Variants in PHLDB2 observed in about 807,000 individuals in gnomAD.
PHLDB2 encodes pleckstrin homology like domain family B member 2.
In PHLDB2, 71 loss-of-function variants were observed where a neutral mutation model predicts 123.6. The observed-to-expected ratio is 0.57, with a 90% CI of 0.47 to 0.70. The LOEUF is 0.70. PHLDB2 is among the 30% of genes least tolerant of loss of function. The pLI is 0.00. For missense variants in PHLDB2, 1,446 were observed against 1,519.5 expected (o/e 0.95, Z 0.80); for synonymous variants, 547 against 541.6 (o/e 1.01, Z -0.14).
intron 5 of PHLDB2, among the ~76,000 whole-genome samples, chr3:111,929,836 C>G (rs16858901): frequency 0.059 from 9,010 of 152,022 alleles, 882 homozygotes; most frequent in African/African-American, 0.2. Flanking sequence ...CTTGCATATT[C>G]TTCTAGATGC....
chr3:111,933,599 T>G lies in PHLDB2; in HGVS notation c.2130+1202T>G, dbSNP rs72940211. Among the ~76,000 whole-genome samples, 1,124 of 152,352 alleles carry G rather than the reference T, an allele frequency of 7.4e-3. 14 individuals are homozygous for G. The highest frequency in any genetic ancestry group is 0.025 in the African/African-American group (1,051 of 41,580). ...AAAGTTTTAACCATATGTCTTCCCT[T>G]TACTCTTTTTATTGTATGCAGCTGA... On this transcript the variant is annotated intron_variant, in intron 6 of 17. Coordinates refer to ENST00000431670, the MANE Select transcript of PHLDB2 (RefSeq NM_001134438.2).
At chr3:111,824,859 T>C (rs909717771) in intron 1 of PHLDB2, among the ~76,000 whole-genome samples, 14 of 152,216 alleles carry the variant, frequency 9.2e-5, no homozygotes, top group African/African-American at 3.1e-4. Context: ...CAACTGATAA[T>C]TGCCTTTTTT....
At chr3:111,874,839 A>G (rs529637454) in intron 1 of PHLDB2, among the ~76,000 whole-genome samples, 1 of 152,254 alleles carries the variant, frequency 6.6e-6, no homozygotes, top group East Asian at 1.9e-4. Context: ...GCCTAAAACT[A>G]CCCATTGAGA....
At chr3:111,957,502 C>T (rs1370818540) in intron 12 of PHLDB2, 1 of 152,152 alleles carries the variant, frequency 6.6e-6, no homozygotes, top group African/African-American at 2.4e-5. Flanking sequence ...AAGGTCAGAC[C>T]CTGCAGGAAA....
rs1346780933 is a variant in PHLDB2 at position 111,779,094 on chromosome 3, G to A, written c.-49+46391G>A. 4.6e-5 allele frequency among the ~76,000 whole-genome samples: 7 copies of A among 152,126 alleles called. 1 individual carries two copies. In the South Asian group the frequency reaches 1.2e-3, roughly 27 times the overall value. ...TACCTTCGGAGTTTCTGACTCGGTA[G>A]GTCTGGAGAAAAAACTAACAAGTTC... On this transcript the variant is annotated intron_variant, in intron 1 of 17. Coordinates refer to the PHLDB2 transcript ENST00000393923.
At chr3:111,788,646 C>T (rs2060789171) in intron 1 of PHLDB2, among the ~76,000 whole-genome samples, 1 of 152,208 alleles carries the variant, frequency 6.6e-6, no homozygotes, top group African/African-American at 2.4e-5. Flanking sequence ...TTAAAGCAAG[C>T]TTGTCCAACC....
At chr3:111,764,949 A>T (rs1178022050) in intron 1 of PHLDB2, among the ~76,000 whole-genome samples, 1 of 152,212 alleles carries the variant, frequency 6.6e-6, no homozygotes, top group Non-Finnish European at 1.5e-5. Flanking sequence ...CGACATCACC[A>T]TGAAGAGGAA....
At chr3:111,832,359 A>G (rs545715562) in intron 1 of PHLDB2, among the ~76,000 whole-genome samples, 1 of 150,420 alleles carries the variant, frequency 6.6e-6, no homozygotes, top group South Asian at 2.1e-4. Context: ...TGCAAATATA[A>G]TATGTTCTTA....
chr3:111,921,183 C>T (rs1157911778), intron 5 of PHLDB2, among the ~76,000 whole-genome samples: 1 of 152,164 alleles, frequency 6.6e-6, no homozygotes, highest in Non-Finnish European at 1.5e-5. Context: ...GGGAAATATA[C>T]ATTACTCTCC....
At chr3:111,857,264 C>A (rs2064554027), upstream of PHLDB2, among the ~76,000 whole-genome samples, 1 of 151,942 alleles carries the variant, frequency 6.6e-6, no homozygotes, top group Non-Finnish European at 1.5e-5. Context: ...ACAGTCTGGG[C>A]AATGTGGTGA....
chr3:111,942,762 T>C (rs1004445536), intron 8 of PHLDB2, among the ~76,000 whole-genome samples: 1 of 151,620 alleles, frequency 6.6e-6, no homozygotes. Flanking sequence ...TGTTGCTGAC[T>C]GTCAGTTCAA....
At chr3:111,896,977 A>C (rs974594965) in intron 2 of PHLDB2, among the ~76,000 whole-genome samples, 2 of 152,300 alleles carry the variant, frequency 1.3e-5, no homozygotes, top group South Asian at 4.1e-4. Flanking sequence ...TCCAATGGTA[A>C]CATCTTGCCA....
Position 111,761,200 on chromosome 3 carries a change from A to G in PHLDB2, c.-49+28497A>G, listed in dbSNP as rs547963096. Among the ~76,000 whole-genome samples the G allele has an allele frequency of 4.0e-3, 579 of 144,934 alleles. 1 individual carries two copies. The highest frequency in any genetic ancestry group is 0.015 in the African/African-American group (555 of 37,494). On this transcript the variant is annotated intron_variant, in intron 1 of 17. Transcript: ENST00000393923. ...CTCCATCTCAAAAAAAAAAAAAAAG[A>G]AAAAAAAAACTAAACACATTTGAAT...
At chr3:111,870,311 G>A (rs1160691075) in intron 1 of PHLDB2, among the ~76,000 whole-genome samples, 1 of 152,106 alleles carries the variant, frequency 6.6e-6, no homozygotes, top group Non-Finnish European at 1.5e-5. Flanking sequence ...GGTGAGGGTT[G>A]TTTGCAGAGA....
chr3:111,757,949 C>T (rs1228480209), intron 1 of PHLDB2, among the ~76,000 whole-genome samples: 2 of 152,174 alleles, frequency 1.3e-5, no homozygotes, highest in African/African-American at 2.4e-5. Context: ...GCTGTCTGAT[C>T]GTTCCTCTGG....
intron 1 of PHLDB2, among the ~76,000 whole-genome samples, chr3:111,835,869 G>A (rs564047715): frequency 2.0e-4 from 31 of 152,302 alleles, no homozygotes; most frequent in Admixed American, 7.2e-4. Flanking sequence ...GAAGGGCCAG[G>A]AAGAAGTTGT....
At chr3:111,824,163 C>A (rs895608859) in intron 1 of PHLDB2, among the ~76,000 whole-genome samples, 3 of 152,192 alleles carry the variant, frequency 2.0e-5, no homozygotes, top group Non-Finnish European at 4.4e-5. Context: ...TTCCAACCCA[C>A]TTGCTGGTCG....
chr3:111,914,966 G>T (rs78535178), intron 3 of PHLDB2: 2 of 151,580 alleles, frequency 1.3e-5, no homozygotes, highest in South Asian at 4.2e-4. Context: ...AACAATTTAG[G>T]TTTTAAATTT....
chr3:111,887,228 C>G (rs2066226124), intron 2 of PHLDB2, among the ~76,000 whole-genome samples: 1 of 152,136 alleles, frequency 6.6e-6, no homozygotes. Context: ...TAAGGTTGGG[C>G]CTGTTAAGTC....
Sources: allele counts gnomAD v4.1 joint callset (sites outside exome capture counted in the v4.1 genomes callset), GRCh38; gene constraint gnomAD v4.1.1; transcripts MANE v1.5; gene names NCBI Gene and HGNC (gene_info 2026-07-23, HGNC 2026-07-21).